SNAPIN: variants seen among roughly 807,000 people sequenced by gnomAD.
SNAPIN encodes SNAP associated protein, also known as SNARE-associated protein Snapin.
In SNAPIN, 16 loss-of-function variants were observed where a neutral mutation model predicts 15.9. The ratio of observed to expected loss-of-function variants is 1.01; its 90% CI spans 0.68 to 1.53. The LOEUF (loss-of-function observed/expected upper bound fraction) is 1.53. Ranked by LOEUF, SNAPIN falls within the 40% of genes most tolerant of loss-of-function variation. The pLI, the probability that SNAPIN is intolerant of heterozygous loss-of-function variation, is 0.00. For missense variants in SNAPIN, 186 were observed against 180.1 expected, an observed-to-expected ratio of 1.03 and a Z score of -0.19; for synonymous variants, 83 against 76.2, an observed-to-expected ratio of 1.09 and a Z score of -0.46.
Position 153,658,731 on chromosome 1 carries a change from A to T in SNAPIN, c.-13A>T. On this transcript the variant is annotated 5_prime_UTR_variant, in exon 1 of 4. Transcript: ENST00000368685. The stretch of plus-strand genomic sequence containing the variant: ...GCCCTCGCGGCAGGTTTCGGGCTTC[A>T]GGACAATTCGTGATGGCGGGGGCTG... 6.5e-7 allele frequency: 1 copy of T among 1,547,054 alleles called. No homozygotes were observed. The highest frequency in any genetic ancestry group is 8.7e-7 in the Non-Finnish European group (1 of 1,154,700).
intron 2 of SNAPIN, 64 bp from the exon 3 acceptor site, chr1:153,659,384 C>T (rs1669094313): frequency 7.1e-7 from 1 of 1,404,562 alleles, no homozygotes; most frequent in Non-Finnish European, 1.0e-6. Context: ...CATTACCAGC[C>T]TGCTTTCCCT....
At position 153,658,887 on chromosome 1, in the gene SNAPIN, G is replaced by A. The variant is rs375826189; in HGVS notation, c.143+1G>A. On this transcript the variant is annotated splice_donor_variant, in intron 1 of 3. Coordinates refer to ENST00000368685, the MANE Select transcript of SNAPIN (RefSeq NM_012437.6). LOFTEE classifies it high-confidence loss of function. The stretch of plus-strand genomic sequence containing the variant: ...TCGACTCTCACGTACACGCCGTCAG[G>A]TGCCCGGGAGGGAAGTTGGGGGCGG... The A allele has an allele frequency of 1.2e-6, 2 of 1,609,454 alleles. No individual in the cohort carries two copies. Among genetic ancestry groups the A allele is most frequent in the African/African-American group, 1.3e-5 (1 of 74,552 alleles).
upstream of SNAPIN, chr1:153,658,664 C>A (rs1669069538): frequency 7.0e-7 from 1 of 1,418,974 alleles, no homozygotes; most frequent in East Asian, 2.8e-5. Context: ...CGGGCGCCCC[C>A]TCACGGGGCG....
At chr1:153,660,596 TGAG>T (rs946988034) in intron 3 of SNAPIN, among the ~76,000 whole-genome samples, 2 of 142,122 alleles carry the variant, frequency 1.4e-5, no homozygotes, top group South Asian at 2.1e-4. Context: ...TGCGGTGAGC[TGAG>T]ATCGCACCAT....
chr1:153,661,186 T>A lies in SNAPIN; in HGVS notation c.310-14T>A, dbSNP rs775256124. The A allele has an allele frequency of 9.3e-6, 15 of 1,611,162 alleles. No homozygotes were observed. The highest frequency in any genetic ancestry group is 1.2e-5 in the Non-Finnish European group (14 of 1,177,776). The stretch of plus-strand genomic sequence containing the variant: ...TCACAGTGGTTAAGATTCCAAACCT[T>A]CCTTGTCTTGTAGGAACGACTGAGA... On this transcript the variant is annotated splice_polypyrimidine_tract_variant and intron_variant, in intron 3 of 3. Transcript: ENST00000368685.
intron 2 of SNAPIN, 113 bp from the exon 3 acceptor site, chr1:153,659,335 A>C (rs1317693045): frequency 8.1e-7 from 1 of 1,227,268 alleles, no homozygotes; most frequent in African/African-American, 1.5e-5. Context: ...TTAAATCTCT[A>C]ATGGCTGTGG....
intron 3 of SNAPIN, among the ~76,000 whole-genome samples, chr1:153,660,786 AT>A (rs34770483): frequency 0.55 from 75,236 of 137,244 alleles, 19,875 homozygotes; most frequent in East Asian, 0.7. Flanking sequence ...CCTGGCCTAC[AT>A]TTTTTTTTTT....
At chr1:153,659,303 G>A in intron 2 of SNAPIN, 119 bp downstream of exon 2, 1 of 1,299,810 alleles carries the variant, frequency 7.7e-7, no homozygotes. Flanking sequence ...GCTGCCAAAG[G>A]ACTCCTCCTT....
At chr1:153,659,673 T>C in intron 3 of SNAPIN, 107 bp downstream of exon 3, 8 of 788,456 alleles carry the variant, frequency 1.0e-5, no homozygotes, top group Non-Finnish European at 1.7e-5. Context: ...GGAAATTCAC[T>C]TCTCCCAGTA....
Position 153,659,509 on chromosome 1 carries a change from G to A in SNAPIN, c.252G>A (p.Lys84=). The A allele has an allele frequency of 3.7e-6, 6 of 1,614,150 alleles. No homozygotes were observed. The highest frequency in any genetic ancestry group is 5.1e-6 in the Non-Finnish European group (6 of 1,180,004). ...VALDLDPYVK[K]LLNARRRVVL... Reference sequence around the variant, plus strand: ...TGGATCTTGACCCCTATGTTAAGAAGCTACTTAATGCCCGGCGACGCGTTG... The same window carrying A: ...TGGATCTTGACCCCTATGTTAAGAAACTACTTAATGCCCGGCGACGCGTTG... Residue 84 remains lysine (K), a synonymous_variant, in exon 3 of 4, where the codon AAG becomes AAA. Coordinates refer to ENST00000368685, the MANE Select transcript of SNAPIN (RefSeq NM_012437.6).
Position 153,661,702 on chromosome 1 carries a change from A to C in SNAPIN, c.*401A>C, listed in dbSNP as rs1487197258. The C allele has an allele frequency of 1.2e-5, 2 of 162,780 alleles. No individual in the cohort carries two copies. The highest frequency in any genetic ancestry group is 2.7e-5 in the Non-Finnish European group (2 of 73,674). The allele number at this position is 162,780 out of a possible 1,614,324, so 10.1% of individuals were successfully genotyped here. The stretch of plus-strand genomic sequence containing the variant: ...TGTGACTTCTCATTTTCCTGTTTAC[A>C]CTGGGGATTTGGAGGGGGCAGGCAA... On this transcript the variant is annotated 3_prime_UTR_variant, in exon 4 of 4. Coordinates refer to ENST00000368685, the MANE Select transcript of SNAPIN (RefSeq NM_012437.6).
chr1:153,660,651 GAAAAAAAAAAAA>G (rs936959398), intron 3 of SNAPIN, among the ~76,000 whole-genome samples: 1 of 112,546 alleles, frequency 8.9e-6, no homozygotes, highest in Non-Finnish European at 1.8e-5. Flanking sequence ...TCCGTCTCGG[GAAAAAAAAAAAA>G]AAAAAAAAAA....
chr1:153,659,880 G>T (rs1669104691), intron 3 of SNAPIN, among the ~76,000 whole-genome samples: 1 of 152,058 alleles, frequency 6.6e-6, no homozygotes, highest in African/African-American at 2.4e-5. Context: ...AGGACTACAA[G>T]CGTGCACAAC....
chr1:153,659,076 G>C, intron 1 of SNAPIN, 62 bp from the exon 2 acceptor site: 1 of 1,583,206 alleles, frequency 6.3e-7, no homozygotes, highest in South Asian at 1.1e-5. Flanking sequence ...AAATACGTAG[G>C]GGAGTTCGTT....
At position 153,659,522 on chromosome 1, in the gene SNAPIN, C is replaced by T; in HGVS notation, c.265C>T (p.Arg89Trp). The change falls in exon 3 of 4, where the codon CGG (arginine) becomes TGG (tryptophan). Residue 89 changes from arginine (R) to tryptophan (W), a missense_variant. Transcript: ENST00000368685. ...CTATGTTAAGAAGCTACTTAATGCCCGGCGACGCGTTGTCTTGGTTAACAA... is the reference window on the plus strand; with the variant it reads ...CTATGTTAAGAAGCTACTTAATGCCTGGCGACGCGTTGTCTTGGTTAACAA... ...DPYVKKLLNA[R>W]RRVVLVNNIL... 2 of 1,613,960 alleles carry T rather than the reference C, an allele frequency of 1.2e-6. No homozygotes were observed. Among genetic ancestry groups the T allele is most frequent in the Non-Finnish European group, 1.7e-6 (2 of 1,179,900 alleles).
chr1:153,661,197 T>C lies in SNAPIN; in HGVS notation c.310-3T>C. Reference sequence around the variant, plus strand: ...AAGATTCCAAACCTTCCTTGTCTTGTAGGAACGACTGAGACGGCTAAACCA... The same window carrying C: ...AAGATTCCAAACCTTCCTTGTCTTGCAGGAACGACTGAGACGGCTAAACCA... On this transcript the variant is annotated splice_region_variant and splice_polypyrimidine_tract_variant and intron_variant, in intron 3 of 3. Coordinates refer to ENST00000368685, the MANE Select transcript of SNAPIN (RefSeq NM_012437.6). 1.2e-6 allele frequency: 2 copies of C among 1,612,910 alleles called. No homozygotes were observed. The highest frequency in any genetic ancestry group is 1.1e-5 in the South Asian group (1 of 91,062).
chr1:153,658,683 C>G, upstream of SNAPIN: 1 of 1,470,172 alleles, frequency 6.8e-7, no homozygotes, highest in Middle Eastern at 2.5e-4. Flanking sequence ...CGGGGCAGTG[C>G]GGCGCGGCTC....
At chr1:153,659,292 G>A in intron 2 of SNAPIN, 108 bp downstream of exon 2, 2 of 1,318,278 alleles carry the variant, frequency 1.5e-6, no homozygotes, top group Non-Finnish European at 1.1e-6. Flanking sequence ...AGGGCATCAG[G>A]GCTGCCAAAG....
rs780886410 is a variant in SNAPIN at position 153,659,197 on chromosome 1, C to A, written c.190+13C>A. 6.2e-7 allele frequency: 1 copy of A among 1,613,424 alleles called. No homozygotes were observed. Among genetic ancestry groups the A allele is most frequent in the East Asian group, 2.2e-5 (1 of 44,878 alleles). On this transcript the variant is annotated intron_variant, in intron 2 of 3. Transcript: ENST00000368685. Reference sequence around the variant, plus strand: ...AACCTAGCCACAGGTGAGTGAGCATCCCTGTGTACCCGGAATTCTTCAGCC... The same window carrying A: ...AACCTAGCCACAGGTGAGTGAGCATACCTGTGTACCCGGAATTCTTCAGCC...
Sources: gnomAD v4.1 joint callset for allele counts (sites outside exome capture counted in the v4.1 genomes callset) on GRCh38, gnomAD v4.1.1 for gene constraint, MANE v1.5 for transcripts, NCBI Gene and HGNC (gene_info 2026-07-23, HGNC 2026-07-21) for gene names.